The following EXOC6 variants were observed in gnomAD, a reference collection of about 807,000 sequenced individuals.
EXOC6 encodes SEC15-like 1.
A neutral mutation model predicts 112.5 loss-of-function variants in EXOC6; 60 were observed. The observed-to-expected ratio is 0.53, with a 90% CI of 0.43 to 0.66. The LOEUF is 0.66. Among genes scored for constraint, EXOC6 ranks in the 30% least tolerant of loss-of-function variants. The probability of loss-of-function intolerance (pLI) is 0.00; values close to 1 mark genes in which losing one functional copy is unlikely to be tolerated. For synonymous variants in EXOC6, 295 were observed against 308.0 expected (o/e 0.96, Z 0.44); for missense variants, 855 against 957.1 (o/e 0.89, Z 1.41).
chr10:92,926,934 A>G (rs1851758686), intron 8 of EXOC6, among the ~76,000 whole-genome samples: 1 of 152,122 alleles, frequency 6.6e-6, no homozygotes, highest in Non-Finnish European at 1.5e-5. Context: ...TATCCTCTAC[A>G]TTTATTTAAA....
At chr10:92,934,452 A>G in intron 11 of EXOC6, 22 bp downstream of exon 11, 1 of 1,530,604 alleles carries the variant, frequency 6.5e-7, no homozygotes, top group Non-Finnish European at 8.7e-7. Flanking sequence ...AATTTACATT[A>G]CTAAAATTTT....
intron 20 of EXOC6, among the ~76,000 whole-genome samples, chr10:93,029,576 C>T (rs898231982): frequency 3.3e-4 from 51 of 152,242 alleles, no homozygotes; most frequent in African/African-American, 1.2e-3. Context: ...ATGTCTTCTA[C>T]TCTGTTGCTT....
chr10:93,043,227 G>A (rs1466198170), intron 20 of EXOC6, among the ~76,000 whole-genome samples: 2 of 152,056 alleles, frequency 1.3e-5, no homozygotes, highest in South Asian at 2.1e-4. Flanking sequence ...GAGCCACCGC[G>A]CCCAGCTACA....
chr10:92,869,355 C>G (rs1408765505), intron 1 of EXOC6, among the ~76,000 whole-genome samples: 1 of 151,836 alleles, frequency 6.6e-6, no homozygotes, highest in Non-Finnish European at 1.5e-5. Flanking sequence ...GTTGTCCAGG[C>G]TGGAGTGCAG....
At chr10:92,828,087 G>A (rs1347800810) in intron 1 of EXOC6, among the ~76,000 whole-genome samples, 17 of 152,114 alleles carry the variant, frequency 1.1e-4, no homozygotes, top group Admixed American at 1.1e-3. Context: ...TTGGTCTAGA[G>A]TGCTTGCTAG....
At chr10:92,952,015 A>G (rs890862837) in intron 14 of EXOC6, among the ~76,000 whole-genome samples, 1 of 152,196 alleles carries the variant, frequency 6.6e-6, no homozygotes, top group African/African-American at 2.4e-5. Context: ...TCATCATCAG[A>G]ATACACCAGA....
In EXOC6 at chr10:92,836,082, T is replaced by G. The variant is rs11187187; in HGVS notation, c.86+1258T>G. The stretch of plus-strand genomic sequence containing the variant: ...AGGTAGTTAAGTGCTAGATGCTAGG[T>G]GGCTAAGTCTAAGTGGAAACAAGAG... On this transcript the variant is annotated intron_variant, in intron 1 of 21. Coordinates refer to the EXOC6 transcript ENST00000371552. Among the ~76,000 whole-genome samples the G allele has an allele frequency of 5.0e-3, 768 of 152,326 alleles. 6 individuals are homozygous for G. Among genetic ancestry groups the G allele is most frequent in the African/African-American group, 0.018 (738 of 41,566 alleles).
chr10:92,846,956 G>C (rs1847074336), upstream of EXOC6, among the ~76,000 whole-genome samples: 3 of 152,206 alleles, frequency 2.0e-5, no homozygotes, highest in South Asian at 6.2e-4. Context: ...CAGAAGAATG[G>C]TCAGAGAGAT....
chr10:92,964,586 T>G (rs1313857554), intron 17 of EXOC6, among the ~76,000 whole-genome samples: 1 of 152,176 alleles, frequency 6.6e-6, no homozygotes, highest in Non-Finnish European at 1.5e-5. Flanking sequence ...ATGAGCAAAA[T>G]TAAATGTAAC....
upstream of EXOC6, among the ~76,000 whole-genome samples, chr10:92,833,841 T>C (rs367746940): frequency 1.2e-4 from 19 of 152,242 alleles, no homozygotes; most frequent in East Asian, 1.2e-3. Context: ...CCGTTAGTTC[T>C]TTAGGCCTAC....
rs975541507 is a variant in EXOC6 at position 93,043,126 on chromosome 10, G to A, written c.2170-13798G>A. 1.1e-4 allele frequency among the ~76,000 whole-genome samples: 16 copies of A among 151,774 alleles called. No homozygotes were observed. In the South Asian group the frequency reaches 3.1e-3, roughly 30 times the overall value. On this transcript the variant is annotated intron_variant, in intron 20 of 21. Transcript: ENST00000260762. The stretch of plus-strand genomic sequence containing the variant: ...AATTTTTTGTATTTTTAGTAGAGAC[G>A]GGGTTTCACCATCTTGGCCAGGCTG...
chr10:92,839,386 T>A (rs1302842764), intron 1 of EXOC6, among the ~76,000 whole-genome samples: 1 of 152,196 alleles, frequency 6.6e-6, no homozygotes, highest in Non-Finnish European at 1.5e-5. Context: ...GTCCCTGTTT[T>A]ACTCAGTATT....
At chr10:92,994,394 T>C (rs835236) in intron 18 of EXOC6, among the ~76,000 whole-genome samples, 1,627 of 144,236 alleles carry the variant, frequency 0.011, 34 homozygotes, top group African/African-American at 0.039. Flanking sequence ...CTTTGAAATA[T>C]AAGAAGTTTG....
chr10:92,918,899 T>G (rs1174125062), intron 7 of EXOC6, among the ~76,000 whole-genome samples: 1 of 152,240 alleles, frequency 6.6e-6, no homozygotes, highest in Non-Finnish European at 1.5e-5. Flanking sequence ...ATGTCTGCTA[T>G]TGTACTGAAT....
chr10:93,007,288 ATTTTT>A (rs58873245), intron 19 of EXOC6, among the ~76,000 whole-genome samples: 1 of 150,196 alleles, frequency 6.7e-6, no homozygotes, highest in African/African-American at 2.4e-5. Context: ...CTACTCAAAA[ATTTTT>A]TTTTTTTTAT....
At chr10:92,858,388 G>C (rs1335008045) in intron 1 of EXOC6, among the ~76,000 whole-genome samples, 2 of 151,868 alleles carry the variant, frequency 1.3e-5, no homozygotes. Context: ...ACATTTATTT[G>C]AGACTCTGTT....
At chr10:92,901,424 T>C (rs1850162584) in intron 5 of EXOC6, 1 of 151,856 alleles carries the variant, frequency 6.6e-6, no homozygotes, top group Admixed American at 6.6e-5. Flanking sequence ...CTTTTTTCTT[T>C]TTTTCCGATT....
At chr10:92,885,793 C>G (rs1849184377) in intron 1 of EXOC6, among the ~76,000 whole-genome samples, 1 of 152,020 alleles carries the variant, frequency 6.6e-6, no homozygotes, top group South Asian at 2.1e-4. Context: ...GAGCTAACCC[C>G]CCCCTCTTTT....
At chr10:92,919,367 A>C (rs10748585) in intron 7 of EXOC6, among the ~76,000 whole-genome samples, 44,695 of 152,142 alleles carry the variant, frequency 0.29, 7,379 homozygotes, top group East Asian at 0.73. Context: ...GTGTTCCTTT[A>C]AAAAGGGTTT....
Sources: gnomAD v4.1 joint callset for allele counts (sites outside exome capture counted in the v4.1 genomes callset) on GRCh38, gnomAD v4.1.1 for gene constraint, MANE v1.5 for transcripts, NCBI Gene and HGNC (gene_info 2026-07-23, HGNC 2026-07-21) for gene names.